The following NAV3 variants were observed in gnomAD, a reference collection of about 807,000 sequenced individuals.
The protein encoded by NAV3 is neuron navigator 3.
A neutral mutation model predicts 244.7 loss-of-function variants in NAV3; 87 were observed. That is an observed-to-expected ratio of 0.36 (90% confidence interval 0.30 to 0.42). The LOEUF (loss-of-function observed/expected upper bound fraction) is 0.42. NAV3 is among the 20% of genes least tolerant of loss of function. The probability of loss-of-function intolerance (pLI) is 1.00; values close to 1 mark genes in which losing one functional copy is unlikely to be tolerated. For synonymous variants in NAV3, 1,126 were observed against 1,042.2 expected, an observed-to-expected ratio of 1.08 and a Z score of -1.55; for missense variants, 2,663 against 2,893.3, an observed-to-expected ratio of 0.92 and a Z score of 1.83.
At chr12:77,902,386 A>G (rs1407707220) in intron 1 of NAV3, among the ~76,000 whole-genome samples, 3 of 152,206 alleles carry the variant, frequency 2.0e-5, no homozygotes, top group African/African-American at 4.8e-5. Flanking sequence ...CAGTAAAGAG[A>G]TACATCCCAT....
intron 8 of NAV3, among the ~76,000 whole-genome samples, chr12:78,018,753 G>T (rs1876651908): frequency 6.6e-6 from 1 of 152,114 alleles, no homozygotes; most frequent in Non-Finnish European, 1.5e-5. Flanking sequence ...GCTTTCCCTG[G>T]GGTCCACAGT....
Position 78,006,514 on chromosome 12 carries a change from C to G in NAV3, c.976C>G (p.Pro326Ala), listed in dbSNP as rs2136557787. 6.2e-7 allele frequency: 1 copy of G among 1,614,060 alleles called. No homozygotes were observed. Among genetic ancestry groups the G allele is most frequent in the Non-Finnish European group, 8.5e-7 (1 of 1,180,014 alleles). ...GQPPASAIPS[P>A]SASKPWRSKS... is the part of the protein sequence containing the mutation. ...GCCTCCTGCCTCTGCCATCCCTTCT[C>G]CAAGTGCCAGCAAGCCCTGGCGCAG... The change falls in exon 8 of 40, where the codon CCA (proline) becomes GCA (alanine). Residue 326 changes from proline (P) to alanine (A), a missense_variant. Pro to Ala is a conservative substitution (Grantham distance 27). This residue lies in a region of NAV3 where 1,521 missense variants were observed against 1,497.0 expected (regional missense o/e 1.02). Transcript: ENST00000397909.
chr12:77,847,057 C>A (rs1876755838), intron 1 of NAV3, among the ~76,000 whole-genome samples: 1 of 152,048 alleles, frequency 6.6e-6, no homozygotes, highest in Non-Finnish European at 1.5e-5. Context: ...TTTTTCTATA[C>A]CTTCAGAGAC....
chr12:78,175,562 C>G, intron 25 of NAV3, 135 bp downstream of exon 25: 1 of 1,098,544 alleles, frequency 9.1e-7, no homozygotes, highest in Non-Finnish European at 1.3e-6. Flanking sequence ...AAATGCTGCA[C>G]TCATCACCAA....
intron 23 of NAV3, among the ~76,000 whole-genome samples, chr12:78,159,859 A>G (rs1042728982): frequency 6.6e-6 from 1 of 152,152 alleles, no homozygotes; most frequent in Non-Finnish European, 1.5e-5. Flanking sequence ...AATGTTAAGA[A>G]AGAGAAACAG....
intron 9 of NAV3, among the ~76,000 whole-genome samples, chr12:78,048,473 C>T (rs988577013): frequency 1.3e-5 from 2 of 152,166 alleles, no homozygotes; most frequent in African/African-American, 4.8e-5. Context: ...CAGTCAGGCC[C>T]CTCTGCTGCA....
rs145998998 is a variant in NAV3 at position 77,951,680 on chromosome 12, C to G, written c.414+10547C>G. On this transcript the variant is annotated intron_variant, in intron 3 of 39. Coordinates refer to ENST00000397909, the MANE Select transcript of NAV3 (RefSeq NM_001024383.2). ...ACTTGGAACCAACCCAAATGTCCAT[C>G]AATGATAGACTGGATTAAGAAAATG... 2.3e-3 allele frequency among the ~76,000 whole-genome samples: 354 copies of G among 152,172 alleles called. 1 individual carries two copies. Among genetic ancestry groups the G allele is most frequent in the African/African-American group, 8.3e-3 (346 of 41,508 alleles).
intron 2 of NAV3, among the ~76,000 whole-genome samples, chr12:77,675,971 G>A (rs2137094314): frequency 6.6e-6 from 1 of 152,188 alleles, no homozygotes; most frequent in Admixed American, 6.5e-5. Flanking sequence ...GCTCTCTACT[G>A]CATTTGGCCC....
chr12:78,116,199 T>C (rs770784537), intron 12 of NAV3, among the ~76,000 whole-genome samples: 7 of 152,144 alleles, frequency 4.6e-5, no homozygotes, highest in Non-Finnish European at 1.0e-4. Flanking sequence ...ATACTGTATG[T>C]TATCATGGAT....
At chr12:77,903,625 A>G (rs1042619986) in intron 1 of NAV3, among the ~76,000 whole-genome samples, 4 of 152,212 alleles carry the variant, frequency 2.6e-5, no homozygotes, top group East Asian at 3.8e-4. Flanking sequence ...AATGGCAACA[A>G]AAGCCAAAAT....
intron 2 of NAV3, among the ~76,000 whole-genome samples, chr12:77,696,756 C>T (rs1875319398): frequency 6.6e-6 from 1 of 152,132 alleles, no homozygotes; most frequent in African/African-American, 2.4e-5. Context: ...AGGCTTCTTA[C>T]ATGCATAGGC....
intron 22 of NAV3, among the ~76,000 whole-genome samples, chr12:78,153,346 G>T (rs1202509671): frequency 6.6e-6 from 1 of 152,002 alleles, no homozygotes; most frequent in Non-Finnish European, 1.5e-5. Flanking sequence ...TCTGAACAGA[G>T]CTGCATAAAA....
rs80022432 is a variant in NAV3 at position 77,609,976 on chromosome 12, A to G, written c.72+37710A>G. Among the ~76,000 whole-genome samples, 18 of 152,150 alleles carry G rather than the reference A, an allele frequency of 1.2e-4. No individual in the cohort carries two copies. In the East Asian group the frequency reaches 3.3e-3, roughly 28 times the overall value. On this transcript the variant is annotated intron_variant, in intron 2 of 8. Coordinates refer to the NAV3 transcript ENST00000550042. Reference sequence around the variant, plus strand: ...CCAATGATTAGTACAATCATTGGGGAAGTTCAATATACATTTTTGAATGAA... The same window carrying G: ...CCAATGATTAGTACAATCATTGGGGGAGTTCAATATACATTTTTGAATGAA...
intron 9 of NAV3, among the ~76,000 whole-genome samples, chr12:78,039,707 G>T (rs1352998493): frequency 1.3e-5 from 2 of 152,020 alleles, no homozygotes; most frequent in East Asian, 3.9e-4. Context: ...TTAAGAGCAA[G>T]ATCACAGATT....
At chr12:77,907,798 A>G (rs1478030754) in intron 1 of NAV3, among the ~76,000 whole-genome samples, 1 of 152,128 alleles carries the variant, frequency 6.6e-6, no homozygotes, top group Non-Finnish European at 1.5e-5. Context: ...TAATTTGTCA[A>G]TATATTCCAC....
At chr12:78,093,654 A>G (rs1444731323) in intron 12 of NAV3, among the ~76,000 whole-genome samples, 2 of 152,198 alleles carry the variant, frequency 1.3e-5, no homozygotes, top group East Asian at 1.9e-4. Context: ...AAAAAAAAGT[A>G]CAGTATTAAG....
intron 2 of NAV3, among the ~76,000 whole-genome samples, chr12:77,762,251 G>C (rs1869506312): frequency 6.6e-6 from 1 of 152,046 alleles, no homozygotes; most frequent in Non-Finnish European, 1.5e-5. Flanking sequence ...ACACAGTGAG[G>C]GGAACATCAC....
intron 2 of NAV3, among the ~76,000 whole-genome samples, chr12:77,587,003 A>G (rs1869645848): frequency 6.6e-6 from 1 of 152,218 alleles, no homozygotes; most frequent in Non-Finnish European, 1.5e-5. Context: ...TAGACCCATT[A>G]CTAAATTAGT....
intron 11 of NAV3, among the ~76,000 whole-genome samples, chr12:78,052,407 G>A (rs1337748332): frequency 7.2e-5 from 11 of 152,128 alleles, no homozygotes. Context: ...TGCCTAGTTT[G>A]AATCTCTCCC....
Sources: gnomAD v4.1 joint callset for allele counts (sites outside exome capture counted in the v4.1 genomes callset) on GRCh38, gnomAD v4.1.1 for gene constraint, gnomAD v4.1.1 regional missense constraint, MANE v1.5 for transcripts, NCBI Gene and HGNC (gene_info 2026-07-23, HGNC 2026-07-21) for gene names.